EFHD1: variants seen among roughly 807,000 people sequenced by gnomAD.
EFHD1 encodes EF-hand domain family member D1.
In EFHD1, 10 loss-of-function variants were observed where a neutral mutation model predicts 17.2. That is an observed-to-expected ratio of 0.58 (90% CI 0.36 to 0.99). EFHD1 has a LOEUF of 0.99. Ranked by LOEUF, EFHD1 falls within the 50% of genes least tolerant of loss-of-function variation. EFHD1 has a pLI of 0.01. For synonymous variants in EFHD1, 153 were observed against 142.0 expected, an observed-to-expected ratio of 1.08 and a Z score of -0.55; for missense variants, 310 against 327.5, an observed-to-expected ratio of 0.95 and a Z score of 0.41.
rs1227716795 is a variant in EFHD1, at chr2:232,672,323, C to T, written c.465C>T (p.Phe155=). ...KLSFREFLLI[F]HKAAAGELQE... ...TTCCCCTGTAGTTCCTGCTCATTTTCCACAAGGCCGCGGCAGGGGAGCTGC... is the reference window on the plus strand; with the variant it reads ...TTCCCCTGTAGTTCCTGCTCATTTTTCACAAGGCCGCGGCAGGGGAGCTGC... Residue 155 remains phenylalanine (F), a synonymous_variant, in exon 3 of 4, where the codon TTC becomes TTT. Coordinates refer to ENST00000264059, the MANE Select transcript of EFHD1 (RefSeq NM_025202.4). The T allele has an allele frequency of 6.2e-7, 1 of 1,614,072 alleles. No homozygotes were observed. Among genetic ancestry groups the T allele is most frequent in the Non-Finnish European group, 8.5e-7 (1 of 1,180,040 alleles).
intron 3 of EFHD1, among the ~76,000 whole-genome samples, chr2:232,673,422 A>C (rs1695115000): frequency 6.6e-6 from 1 of 152,176 alleles, no homozygotes; most frequent in Non-Finnish European, 1.5e-5. Context: ...GGAATGTCTT[A>C]TCTGGGTATT....
chr2:232,646,112 G>A (rs924309359), intron 1 of EFHD1, among the ~76,000 whole-genome samples: 6 of 152,286 alleles, frequency 3.9e-5, no homozygotes, highest in East Asian at 1.9e-4. Flanking sequence ...TGTTTTAGCC[G>A]GGCTCACCAG....
chr2:232,648,849 C>G lies in EFHD1; in HGVS notation c.303-13953C>G, dbSNP rs79295824. ...TGTTGAAAAAGGCAATGCGTGATTT[C>G]TATTCCAAGCCTTTCTGTGTGAAGA... is the stretch of plus-strand genomic sequence containing the variant. On this transcript the variant is annotated intron_variant, in intron 1 of 3. Coordinates refer to ENST00000264059, the MANE Select transcript of EFHD1 (RefSeq NM_025202.4). Among the ~76,000 whole-genome samples the G allele has an allele frequency of 2.3e-3, 343 of 152,256 alleles. 4 individuals are homozygous for G. The highest frequency in any genetic ancestry group is 0.017 in the Admixed American group (265 of 15,306).
chr2:232,650,560 CTTTTTTTTTTTT>C (rs71398730), intron 1 of EFHD1, among the ~76,000 whole-genome samples: 1 of 48,650 alleles, frequency 2.1e-5, no homozygotes, highest in Non-Finnish European at 3.7e-5. Flanking sequence ...TCCCAAAGTG[CTTTTTTTTTTTT>C]TTTTTTTTTT....
At chr2:232,643,062 C>G (rs1201688561) in intron 1 of EFHD1, among the ~76,000 whole-genome samples, 1 of 152,166 alleles carries the variant, frequency 6.6e-6, no homozygotes, top group Non-Finnish European at 1.5e-5. Context: ...CTGCCACCCT[C>G]TGTGCTGGCG....
At chr2:232,663,509 A>G (rs2106211855) in intron 2 of EFHD1, among the ~76,000 whole-genome samples, 1 of 152,106 alleles carries the variant, frequency 6.6e-6, no homozygotes, top group South Asian at 2.1e-4. Flanking sequence ...AGCTGGGATT[A>G]CAGTGTGCCA....
intron 1 of EFHD1, among the ~76,000 whole-genome samples, chr2:232,641,102 GCA>G (rs1694423481): frequency 1.3e-5 from 2 of 152,194 alleles, no homozygotes; most frequent in Admixed American, 1.3e-4. Context: ...GAGTGCAGTT[GCA>G]CAGTCTTGGT....
intron 2 of EFHD1, among the ~76,000 whole-genome samples, chr2:232,666,288 G>A (rs1328499636): frequency 1.3e-5 from 2 of 152,200 alleles, no homozygotes; most frequent in Admixed American, 1.3e-4. Context: ...TGTGGCCTCC[G>A]TGCCACTTGG....
At chr2:232,639,943 C>T (rs1030097746) in intron 1 of EFHD1, among the ~76,000 whole-genome samples, 8 of 152,170 alleles carry the variant, frequency 5.3e-5, no homozygotes, top group Non-Finnish European at 1.0e-4. Context: ...GAGGCTGTCG[C>T]GGACTCACCT....
chr2:232,655,664 T>G (rs2106207080), intron 1 of EFHD1, among the ~76,000 whole-genome samples: 1 of 152,362 alleles, frequency 6.6e-6, no homozygotes, highest in East Asian at 1.9e-4. Flanking sequence ...TCCTTGCACT[T>G]AGCTAAAGTC....
At chr2:232,624,910 C>T (rs368273404) in intron 1 of EFHD1, among the ~76,000 whole-genome samples, 1 of 152,118 alleles carries the variant, frequency 6.6e-6, no homozygotes, top group East Asian at 1.9e-4. Flanking sequence ...TAAATGTCAC[C>T]GACTCCATGA....
chr2:232,660,931 TTG>T (rs1694855339), intron 1 of EFHD1, among the ~76,000 whole-genome samples: 1 of 152,016 alleles, frequency 6.6e-6, no homozygotes, highest in East Asian at 1.9e-4. Context: ...TGAGCCGAGA[TTG>T]TGCCACTGCA....
intron 1 of EFHD1, among the ~76,000 whole-genome samples, chr2:232,637,090 C>T (rs1471690852): frequency 2.0e-5 from 3 of 152,112 alleles, no homozygotes; most frequent in African/African-American, 7.2e-5. Context: ...AAGTGGGTAG[C>T]ATAAAACAAC....
chr2:232,614,073 T>TACA (rs71056281), intron 1 of EFHD1, among the ~76,000 whole-genome samples: 930 of 35,684 alleles, frequency 0.026, 8 homozygotes, highest in African/African-American at 0.055. Flanking sequence ...TGCACACACA[T>TACA]TATACACACA....
At chr2:232,654,462 C>T (rs1694722189) in intron 1 of EFHD1, among the ~76,000 whole-genome samples, 1 of 139,678 alleles carries the variant, frequency 7.2e-6, no homozygotes. Context: ...ACTCTGTCAC[C>T]CAGGGTGGAG....
chr2:232,653,555 G>T (rs2106205692), intron 1 of EFHD1, among the ~76,000 whole-genome samples: 1 of 152,326 alleles, frequency 6.6e-6, no homozygotes, highest in Non-Finnish European at 1.5e-5. Flanking sequence ...CTCCCAAAGT[G>T]CTGGGATTAC....
intron 1 of EFHD1, among the ~76,000 whole-genome samples, chr2:232,618,586 G>T (rs1693965983): frequency 6.6e-6 from 1 of 151,830 alleles, no homozygotes; most frequent in Non-Finnish European, 1.5e-5. Context: ...GCTGGGTGTG[G>T]TGGCATGCAT....
intron 2 of EFHD1, among the ~76,000 whole-genome samples, chr2:232,666,442 A>G (rs1158248010): frequency 6.6e-6 from 1 of 152,190 alleles, no homozygotes; most frequent in Non-Finnish European, 1.5e-5. Flanking sequence ...GATTCTGGGG[A>G]GAGAGCTGTG....
chr2:232,633,604 G>T lies in EFHD1; in HGVS notation c.-101G>T. 1.5e-6 allele frequency: 2 copies of T among 1,305,732 alleles called. No individual in the cohort carries two copies. The highest frequency in any genetic ancestry group is 2.2e-5 in the South Asian group (1 of 44,960). 80.9% of individuals were successfully genotyped at this position (1,305,732 alleles called of 1,614,324 possible). ...ACCGCCGGGTCCCCGCCGCCTCGGC[G>T]GAGTGTTGTAGAGCCTCGAGCCTGC... On this transcript the variant is annotated 5_prime_UTR_variant, in exon 1 of 4. Coordinates refer to ENST00000264059, the MANE Select transcript of EFHD1 (RefSeq NM_025202.4).
Sources: gnomAD v4.1 joint callset for allele counts (sites outside exome capture counted in the v4.1 genomes callset) on GRCh38, gnomAD v4.1.1 for gene constraint, MANE v1.5 for transcripts, NCBI Gene and HGNC (gene_info 2026-07-23, HGNC 2026-07-21) for gene names.